PHYHIPL: variants seen among roughly 807,000 people sequenced by gnomAD.
PHYHIPL encodes phytanoyl-CoA 2-hydroxylase interacting protein like, also known as phytanoyl-CoA hydroxylase-interacting protein-like.
In PHYHIPL, 9 loss-of-function variants were observed where a neutral mutation model predicts 33.4. That is an observed-to-expected ratio of 0.27 (90% CI 0.16 to 0.47). PHYHIPL has a LOEUF of 0.47. PHYHIPL is among the 20% of genes least tolerant of loss of function. The pLI, the probability that PHYHIPL is intolerant of heterozygous loss-of-function variation, is 0.99. For synonymous variants in PHYHIPL, 153 were observed against 154.1 expected (o/e 0.99, Z 0.05); for missense variants, 365 against 460.7 (o/e 0.79, Z 1.90).
intron 1 of PHYHIPL, among the ~76,000 whole-genome samples, chr10:59,190,822 G>C (rs1294959034): frequency 6.6e-6 from 1 of 151,742 alleles, no homozygotes; most frequent in Non-Finnish European, 1.5e-5. Context: ...GCTAAGTTTG[G>C]TATGAAAAAT....
intron 1 of PHYHIPL, among the ~76,000 whole-genome samples, chr10:59,198,081 T>C (rs1838973547): frequency 6.6e-6 from 1 of 152,110 alleles, no homozygotes; most frequent in Non-Finnish European, 1.5e-5. Context: ...TACTTTAAGT[T>C]CTAGGGTACA....
At chr10:59,189,732 G>A (rs182038334) in intron 1 of PHYHIPL, among the ~76,000 whole-genome samples, 1 of 152,072 alleles carries the variant, frequency 6.6e-6, no homozygotes, top group East Asian at 1.9e-4. Flanking sequence ...ATGGAGTATA[G>A]AAGAGAAAGT....
At chr10:59,233,478 A>C (rs1481354827) in intron 1 of PHYHIPL, among the ~76,000 whole-genome samples, 1 of 151,690 alleles carries the variant, frequency 6.6e-6, no homozygotes, top group East Asian at 1.9e-4. Context: ...GCCTGGGGAA[A>C]GGGAATGTAG....
At chr10:59,179,515 C>CT (rs1838342043) in intron 1 of PHYHIPL, among the ~76,000 whole-genome samples, 1 of 151,902 alleles carries the variant, frequency 6.6e-6, no homozygotes, top group South Asian at 2.1e-4. Context: ...AACATTAATT[C>CT]CCTGGAAGTG....
At chr10:59,203,028 G>A (rs1211071208) in intron 1 of PHYHIPL, among the ~76,000 whole-genome samples, 2 of 152,000 alleles carry the variant, frequency 1.3e-5, no homozygotes, top group African/African-American at 4.8e-5. Flanking sequence ...TCTGACAAGG[G>A]CTAATACCCA....
intron 4 of PHYHIPL, among the ~76,000 whole-genome samples, chr10:59,243,334 C>T (rs1025953111): frequency 6.6e-6 from 1 of 152,048 alleles, no homozygotes; most frequent in Non-Finnish European, 1.5e-5. Context: ...AAGATATGCT[C>T]AGATGAAGGA....
At chr10:59,187,839 A>G (rs1838657585) in intron 1 of PHYHIPL, among the ~76,000 whole-genome samples, 2 of 151,944 alleles carry the variant, frequency 1.3e-5, no homozygotes, top group African/African-American at 2.4e-5. Flanking sequence ...TATTGTGTCT[A>G]TTTGATTCTT....
At chr10:59,231,375 A>C (rs1432515229) in intron 1 of PHYHIPL, among the ~76,000 whole-genome samples, 1 of 152,142 alleles carries the variant, frequency 6.6e-6, no homozygotes, top group East Asian at 1.9e-4. Flanking sequence ...GTGGTGATTC[A>C]GAAGGCTAAA....
At chr10:59,186,563 G>T (rs1263605990) in intron 1 of PHYHIPL, among the ~76,000 whole-genome samples, 1 of 151,696 alleles carries the variant, frequency 6.6e-6, no homozygotes, top group Non-Finnish European at 1.5e-5. Flanking sequence ...GGGCAGTATG[G>T]CCATTTTCAC....
chr10:59,229,902 C>T (rs1486196455), intron 1 of PHYHIPL, among the ~76,000 whole-genome samples: 1 of 152,154 alleles, frequency 6.6e-6, no homozygotes, highest in African/African-American at 2.4e-5. Context: ...AGTTAGGTTT[C>T]AGTTCATCCA....
intron 1 of PHYHIPL, chr10:59,177,476 A>G: frequency 6.5e-7 from 1 of 1,547,250 alleles, no homozygotes. Context: ...TGGGATTAGG[A>G]TGACAGTTTT....
At chr10:59,196,023 G>C (rs1368720275) in intron 1 of PHYHIPL, among the ~76,000 whole-genome samples, 4 of 152,066 alleles carry the variant, frequency 2.6e-5, no homozygotes, top group Non-Finnish European at 5.9e-5. Flanking sequence ...ATGTGCATGA[G>C]GTACATGTGT....
intron 1 of PHYHIPL, among the ~76,000 whole-genome samples, chr10:59,203,674 G>A (rs1199555799): frequency 1.3e-5 from 2 of 149,456 alleles, no homozygotes; most frequent in Non-Finnish European, 3.0e-5. Context: ...AGGACAGAAA[G>A]CCAAACACCA....
intron 1 of PHYHIPL, among the ~76,000 whole-genome samples, chr10:59,188,874 T>C (rs1838698903): frequency 1.3e-5 from 2 of 152,154 alleles, no homozygotes; most frequent in Admixed American, 1.3e-4. Context: ...GCACGTGAGA[T>C]GGGTTTCCTG....
At chr10:59,243,591 G>T (rs1354720950) in intron 4 of PHYHIPL, among the ~76,000 whole-genome samples, 2 of 152,094 alleles carry the variant, frequency 1.3e-5, no homozygotes, top group Non-Finnish European at 2.9e-5. Flanking sequence ...GTGGTTTTCA[G>T]GTGGTAGAAT....
At chr10:59,203,406 C>T (rs1839184711) in intron 1 of PHYHIPL, among the ~76,000 whole-genome samples, 1 of 152,120 alleles carries the variant, frequency 6.6e-6, no homozygotes, top group Non-Finnish European at 1.5e-5. Context: ...ACCCAGCCAT[C>T]CCATTACTGG....
Position 59,176,793 on chromosome 10 carries a change from C to A in PHYHIPL, c.-61C>A. On this transcript the variant is annotated 5_prime_UTR_variant, in exon 1 of 5. Transcript: ENST00000373880. The stretch of plus-strand genomic sequence containing the variant: ...CCCTCCCTTTCCCGCTCTTCTTGCC[C>A]ACCCGGCCGGCAGAGAGAGCCTGGA... 1.4e-6 allele frequency: 2 copies of A among 1,472,002 alleles called. No homozygotes were observed. The highest frequency in any genetic ancestry group is 1.9e-6 in the Non-Finnish European group (2 of 1,075,184). 91.2% of individuals were successfully genotyped at this position (1,472,002 alleles called of 1,614,324 possible). A position where few individuals can be genotyped will look rare whatever the true frequency, so the allele number is the denominator to read the frequency against.
rs530129549 is a variant in PHYHIPL at position 59,177,257 on chromosome 10, C to T, written c.106+298C>T. The T allele has an allele frequency of 6.7e-6, 4 of 595,434 alleles. No individual in the cohort carries two copies. The Admixed American group carries it at 1.0e-4, about 15-fold the overall frequency. The allele number at this position is 595,434 out of a possible 1,614,324, so 36.9% of individuals were successfully genotyped here. A position where few individuals can be genotyped will look rare whatever the true frequency, so the allele number is the denominator to read the frequency against. ...ACGTTCCCGCTCGCGGCTCCTGCCC[C>T]GACGAGGCGTTTCCGATCTTTGCCG... On this transcript the variant is annotated intron_variant, in intron 1 of 4. Coordinates refer to ENST00000373880, the MANE Select transcript of PHYHIPL (RefSeq NM_032439.4).
At chr10:59,181,055 C>T (rs1386844058) in intron 1 of PHYHIPL, among the ~76,000 whole-genome samples, 1 of 152,080 alleles carries the variant, frequency 6.6e-6, no homozygotes, top group Non-Finnish European at 1.5e-5. Context: ...AGCCGTGTAA[C>T]CTTAAATTAC....
Sources: gnomAD v4.1 joint callset for allele counts (sites outside exome capture counted in the v4.1 genomes callset) on GRCh38, gnomAD v4.1.1 for gene constraint, MANE v1.5 for transcripts, NCBI Gene and HGNC (gene_info 2026-07-23, HGNC 2026-07-21) for gene names.